Variants in ADRA1B observed in about 807,000 individuals in gnomAD.
The protein encoded by ADRA1B is alpha-1B adrenergic receptor.
A neutral mutation model predicts 17.9 loss-of-function variants in ADRA1B; 17 were observed. The observed-to-expected ratio is 0.95, with a 90% CI of 0.65 to 1.42. The LOEUF is 1.42. Among genes scored for constraint, ADRA1B ranks in the 40% most tolerant of loss-of-function variants. The pLI is 0.00. For synonymous variants in ADRA1B, 366 were observed against 327.6 expected, an observed-to-expected ratio of 1.12 and a Z score of -1.27; for missense variants, 681 against 722.1, an observed-to-expected ratio of 0.94 and a Z score of 0.65.
the ADRA1B span, among the ~76,000 whole-genome samples, chr5:159,985,469 T>C: frequency 6.6e-6 from 1 of 152,246 alleles, no homozygotes; most frequent in African/African-American, 2.4e-5. Context: ...GATGTCTTAA[T>C]ATCTGGTCTC....
intron 1 of ADRA1B, among the ~76,000 whole-genome samples, chr5:159,920,306 G>A (rs1232806876): frequency 6.6e-6 from 1 of 152,080 alleles, no homozygotes; most frequent in Non-Finnish European, 1.5e-5. Flanking sequence ...GAGATGATGT[G>A]GCTTCTCTCT....
rs70987981 is a variant in ADRA1B at position 159,939,278 on chromosome 5, AGTGTGTGTGT to A, written c.949+21460_949+21469del. Among the ~76,000 whole-genome samples, 880 of 98,334 alleles carry A rather than the reference AGTGTGTGTGT, an allele frequency of 8.9e-3. 12 individuals carry two copies. The highest frequency in any genetic ancestry group is 0.025 in the African/African-American group (650 of 26,134). 64.5% of individuals were successfully genotyped at this position (98,334 alleles called of 152,430 possible). ...GAGAGAGAGAGAGAGAGAGAGAGAG[AGTGTGTGTGT>A]GTGTGTGTGTGTGTGTGTGTGTGTG... On this transcript the variant is annotated intron_variant, in intron 1 of 1. Coordinates refer to ENST00000306675, the MANE Select transcript of ADRA1B (RefSeq NM_000679.4).
chr5:159,937,333 C>G lies in ADRA1B; in HGVS notation c.949+19479C>G, dbSNP rs116665970. On this transcript the variant is annotated intron_variant, in intron 1 of 1. Coordinates refer to ENST00000306675, the MANE Select transcript of ADRA1B (RefSeq NM_000679.4). ...TCCTTTCCCGATGAGAAAAACACAG[C>G]TTAGGGAGTTTAAACAACTTGCCCA... Among the ~76,000 whole-genome samples the G allele has an allele frequency of 3.0e-3, 452 of 152,310 alleles. 3 individuals carry two copies. Among genetic ancestry groups the G allele is most frequent in the African/African-American group, 0.01 (427 of 41,566 alleles).
At chr5:159,949,872 T>G (rs767145098) in intron 1 of ADRA1B, among the ~76,000 whole-genome samples, 3 of 152,208 alleles carry the variant, frequency 2.0e-5, no homozygotes, top group Non-Finnish European at 2.9e-5. Flanking sequence ...CGTTTTTCAT[T>G]ATGTCCTCTT....
chr5:159,963,503 T>C (rs558890305), intron 1 of ADRA1B, among the ~76,000 whole-genome samples: 9 of 152,232 alleles, frequency 5.9e-5, no homozygotes, highest in Non-Finnish European at 1.0e-4. Context: ...AGGCCAGCCA[T>C]GCAGGTTGGA....
chr5:159,986,602 G>A, the ADRA1B span, among the ~76,000 whole-genome samples: 3 of 152,048 alleles, frequency 2.0e-5, no homozygotes, highest in African/African-American at 7.2e-5. Context: ...TAAAAATACC[G>A]ACTCACAGTC....
intron 1 of ADRA1B, among the ~76,000 whole-genome samples, chr5:159,896,557 T>C (rs1412492933): frequency 6.6e-6 from 1 of 152,242 alleles, no homozygotes; most frequent in Non-Finnish European, 1.5e-5. Context: ...AAAAAGCTAC[T>C]GTTTAGTGAA....
intron 1 of ADRA1B, among the ~76,000 whole-genome samples, chr5:159,958,046 G>A (rs2113275922): frequency 6.7e-6 from 1 of 149,910 alleles, no homozygotes; most frequent in South Asian, 2.1e-4. Context: ...TTTGAAATTT[G>A]CAGCCTTATA....
chr5:159,960,641 C>T (rs141271600), intron 1 of ADRA1B, among the ~76,000 whole-genome samples: 9 of 151,774 alleles, frequency 5.9e-5, no homozygotes, highest in African/African-American at 2.2e-4. Context: ...GCAATCAAGG[C>T]CAGTCTGGCC....
chr5:159,891,017 T>G (rs1753977764), intron 1 of ADRA1B, among the ~76,000 whole-genome samples: 4 of 152,184 alleles, frequency 2.6e-5, no homozygotes, highest in African/African-American at 9.7e-5. Context: ...GCACCTGCCA[T>G]TCTAACTATA....
chr5:159,939,302 TGTGTGTGTGTGTGTGTGTGTGCGC>T (rs1755049770), intron 1 of ADRA1B, among the ~76,000 whole-genome samples: 2 of 143,358 alleles, frequency 1.4e-5, no homozygotes, highest in African/African-American at 2.5e-5. Context: ...TGTGTGTGTG[TGTGTGTGTGTGTGTGTGTGTGCGC>T]GCGCGCGCGC....
chr5:159,928,190 G>A (rs1754712585), intron 1 of ADRA1B, among the ~76,000 whole-genome samples: 1 of 152,108 alleles, frequency 6.6e-6, no homozygotes, highest in Non-Finnish European at 1.5e-5. Context: ...ATTTGGGGGA[G>A]GAAAAGGAAA....
chr5:159,869,940 A>C (rs1297306754), intron 1 of ADRA1B: 1 of 152,228 alleles, frequency 6.6e-6, no homozygotes, highest in Non-Finnish European at 1.5e-5. Flanking sequence ...AATATATTGC[A>C]GCCAATGGCA....
At chr5:159,964,211 G>T (rs2113286772) in intron 1 of ADRA1B, among the ~76,000 whole-genome samples, 2 of 152,306 alleles carry the variant, frequency 1.3e-5, no homozygotes, top group Middle Eastern at 3.4e-3. Context: ...GGGCTCTCCA[G>T]AGACAAAGTG....
chr5:159,967,018 A>C (rs1755788058), intron 1 of ADRA1B, among the ~76,000 whole-genome samples: 1 of 152,212 alleles, frequency 6.6e-6, no homozygotes, highest in Admixed American at 6.5e-5. Context: ...CAATTTGGGG[A>C]AAGGTATGTG....
At chr5:159,947,576 C>A (rs1014039010) in intron 1 of ADRA1B, 4 of 396,942 alleles carry the variant, frequency 1.0e-5, no homozygotes, top group Non-Finnish European at 1.0e-5. Context: ...AGCCTCATTT[C>A]TTTTAATGGT....
chr5:159,900,431 G>T (rs1236234200), intron 1 of ADRA1B, among the ~76,000 whole-genome samples: 1 of 152,188 alleles, frequency 6.6e-6, no homozygotes. Flanking sequence ...TATAGGTCTT[G>T]TACGTTCCTT....
intron 1 of ADRA1B, among the ~76,000 whole-genome samples, chr5:159,927,393 A>G (rs2113187871): frequency 6.6e-6 from 1 of 151,864 alleles, no homozygotes. Context: ...ACACACACAC[A>G]CACACACACA....
chr5:159,913,405 G>A, upstream of ADRA1B, among the ~76,000 whole-genome samples: 1 of 152,328 alleles, frequency 6.6e-6, no homozygotes, highest in Admixed American at 6.5e-5. Flanking sequence ...AAAGGTTGCT[G>A]TGTGGGGTCC....
Sources: allele counts gnomAD v4.1 joint callset (sites outside exome capture counted in the v4.1 genomes callset), GRCh38; gene constraint gnomAD v4.1.1; transcripts MANE v1.5; gene names NCBI Gene and HGNC (gene_info 2026-07-23, HGNC 2026-07-21).